Variants in LSM12 observed in about 807,000 individuals in gnomAD.
LSM12 encodes protein LSM12.
For missense variants in LSM12, 108 were observed against 238.9 expected (o/e 0.45, Z 3.61); for synonymous variants, 74 against 87.3 (o/e 0.85, Z 0.85).
chr17:44,054,181 C>G (rs1597892735), intron 2 of LSM12, among the ~76,000 whole-genome samples: 2 of 152,222 alleles, frequency 1.3e-5, no homozygotes, highest in East Asian at 3.8e-4. Flanking sequence ...ACTTTGTCAG[C>G]AGACTGCCAT....
chr17:44,062,788 C>A (rs139287973), intron 2 of LSM12, among the ~76,000 whole-genome samples: 11 of 151,690 alleles, frequency 7.3e-5, no homozygotes, highest in Non-Finnish European at 8.8e-5. Context: ...TTTGGGAGGC[C>A]GAGGCAAGCA....
At chr17:44,048,061 A>ACG (rs1235893434) in intron 2 of LSM12, among the ~76,000 whole-genome samples, 3 of 146,418 alleles carry the variant, frequency 2.0e-5, no homozygotes, top group African/African-American at 5.0e-5. Flanking sequence ...ACACACACAC[A>ACG]CACGCAAATA....
intron 2 of LSM12, among the ~76,000 whole-genome samples, chr17:44,053,113 T>C (rs1444808487): frequency 6.6e-6 from 1 of 152,144 alleles, no homozygotes; most frequent in African/African-American, 2.4e-5. Flanking sequence ...TTGCCATTTA[T>C]TTTTCAAGCC....
At chr17:44,063,097 A>G (rs2049821257) in intron 2 of LSM12, among the ~76,000 whole-genome samples, 1 of 151,966 alleles carries the variant, frequency 6.6e-6, no homozygotes, top group Non-Finnish European at 1.5e-5. Flanking sequence ...AGTGGCTCCA[A>G]TAAAAAGAAA....
chr17:44,046,887 C>A (rs1000802589), intron 2 of LSM12, among the ~76,000 whole-genome samples: 1 of 150,942 alleles, frequency 6.6e-6, no homozygotes, highest in African/African-American at 2.4e-5. Flanking sequence ...CCCGCCACCA[C>A]GCCTGGCTAA....
At chr17:44,054,343 ACT>A (rs1315297462) in intron 2 of LSM12, among the ~76,000 whole-genome samples, 3 of 151,986 alleles carry the variant, frequency 2.0e-5, no homozygotes, top group African/African-American at 4.8e-5. Context: ...ACAGGGTCTC[ACT>A]CTGTCACCCA....
chr17:44,034,944 T>C lies in LSM12; in HGVS notation c.*1264A>G, dbSNP rs1253647001. On this transcript the variant is annotated 3_prime_UTR_variant, in exon 5 of 5. Coordinates refer to ENST00000293406, the MANE Select transcript of LSM12 (RefSeq NM_001371445.1). ...GTGCCAATTTTAGCTCTCAGCAGGTTAGTCAACCAGACAAACTGGTGGGCT... is the reference window on the plus strand; with the variant it reads ...GTGCCAATTTTAGCTCTCAGCAGGTCAGTCAACCAGACAAACTGGTGGGCT... 2.8e-5 allele frequency: 1 copy of C among 36,110 alleles called. No individual in the cohort carries two copies. Among genetic ancestry groups the C allele is most frequent in the Admixed American group, 3.2e-4 (1 of 3,158 alleles). The allele number at this position is 36,110 out of a possible 1,614,324, so 2.2% of individuals were successfully genotyped here.
chr17:44,056,740 G>A (rs1412098069), intron 2 of LSM12, among the ~76,000 whole-genome samples: 1 of 151,970 alleles, frequency 6.6e-6, no homozygotes, highest in East Asian at 1.9e-4. Flanking sequence ...GCTCACACCT[G>A]TAATCCCAGC....
intron 2 of LSM12, among the ~76,000 whole-genome samples, chr17:44,045,885 T>G (rs1195540106): frequency 6.6e-6 from 1 of 151,838 alleles, no homozygotes; most frequent in Non-Finnish European, 1.5e-5. Flanking sequence ...TTCCAGTTTT[T>G]GGCAGCAGTC....
chr17:44,060,953 G>A (rs1326613757), intron 2 of LSM12, among the ~76,000 whole-genome samples: 1 of 152,052 alleles, frequency 6.6e-6, no homozygotes, highest in East Asian at 1.9e-4. Flanking sequence ...ACTCACTAAA[G>A]ATCTAGTGAC....
chr17:44,058,606 G>A (rs758716749), intron 2 of LSM12, among the ~76,000 whole-genome samples: 5 of 152,194 alleles, frequency 3.3e-5, no homozygotes, highest in Non-Finnish European at 7.3e-5. Context: ...GCCAAGGCGG[G>A]TGGATCATGA....
rs572760807 is a variant in LSM12 at position 44,034,386 on chromosome 17, C to A, written c.*1822G>T. Among the ~76,000 whole-genome samples, 1 of 152,300 alleles carries A rather than the reference C, an allele frequency of 6.6e-6. No homozygotes were observed. Among genetic ancestry groups the A allele is most frequent in the East Asian group, 1.9e-4 (1 of 5,188 alleles). On this transcript the variant is annotated 3_prime_UTR_variant, in exon 5 of 5. Coordinates refer to ENST00000293406, the MANE Select transcript of LSM12 (RefSeq NM_001371445.1). The stretch of plus-strand genomic sequence containing the variant: ...CCGACCATTTGTGCCTCCAAACAGT[C>A]CTGTAACAAATGGTTCTATGTATGT...
intron 2 of LSM12, among the ~76,000 whole-genome samples, chr17:44,040,523 C>A (rs2049474353): frequency 1.3e-5 from 2 of 152,036 alleles, no homozygotes; most frequent in South Asian, 4.1e-4. Flanking sequence ...CTAAATATAG[C>A]CTGAAGTGGG....
rs2049393905 is a variant in LSM12, at chr17:44,034,346, T to C, written c.*1862A>G. ...ACCAGTGGCAGGTGGATCTGAAAGT[T>C]TACTTCTCAGCTCGCCGACCATTTG... On this transcript the variant is annotated 3_prime_UTR_variant, in exon 5 of 5. Transcript: ENST00000293406. Among the ~76,000 whole-genome samples the C allele has an allele frequency of 6.6e-6, 1 of 152,152 alleles. No individual in the cohort carries two copies. Among genetic ancestry groups the C allele is most frequent in the Admixed American group, 6.5e-5 (1 of 15,268 alleles).
At chr17:44,054,727 T>G (rs965302860) in intron 2 of LSM12, among the ~76,000 whole-genome samples, 20 of 152,204 alleles carry the variant, frequency 1.3e-4, no homozygotes, top group African/African-American at 4.6e-4. Context: ...ATCTCCCACC[T>G]GTATCTTCCT....
intron 4 of LSM12, 98 bp downstream of exon 4, chr17:44,037,314 G>C: frequency 7.2e-7 from 1 of 1,380,140 alleles, no homozygotes; most frequent in Non-Finnish European, 9.6e-7. Context: ...TGCTAGAGGA[G>C]GCAGAGACTG....
intron 2 of LSM12, among the ~76,000 whole-genome samples, chr17:44,045,359 A>T (rs767889796): frequency 6.6e-6 from 1 of 152,098 alleles, no homozygotes; most frequent in Non-Finnish European, 1.5e-5. Flanking sequence ...CCTTTACTAG[A>T]TATTTCATAT....
At chr17:44,055,751 A>G (rs1465824681) in intron 2 of LSM12, among the ~76,000 whole-genome samples, 3 of 146,702 alleles carry the variant, frequency 2.0e-5, no homozygotes, top group Non-Finnish European at 4.5e-5. Flanking sequence ...ATATATGTGT[A>G]TATATATAAA....
At chr17:44,038,731 G>C (rs79493892) in intron 3 of LSM12, among the ~76,000 whole-genome samples, 3,117 of 152,280 alleles carry the variant, frequency 0.02, 108 homozygotes, top group African/African-American at 0.071. Context: ...AATGGGAGCT[G>C]CTCTTCAGAC....
Sources: gnomAD v4.1 joint callset for allele counts (sites outside exome capture counted in the v4.1 genomes callset) on GRCh38, gnomAD v4.1.1 for gene constraint, MANE v1.5 for transcripts, NCBI Gene and HGNC (gene_info 2026-07-23, HGNC 2026-07-21) for gene names.